Variants in XRRA1 observed in about 807,000 individuals in gnomAD.
XRRA1 encodes the protein X-ray radiation resistance-associated protein 1.
In XRRA1, 69 loss-of-function variants were observed where a neutral mutation model predicts 80.2. That is an observed-to-expected ratio of 0.86 (90% CI 0.71 to 1.05). XRRA1 has a LOEUF of 1.05. Ranked by LOEUF, XRRA1 falls within the 50% of genes least tolerant of loss-of-function variation. XRRA1 has a pLI of 0.00. For missense variants in XRRA1, 967 were observed against 976.4 expected, an observed-to-expected ratio of 0.99 and a Z score of 0.13; for synonymous variants, 348 against 389.9, an observed-to-expected ratio of 0.89 and a Z score of 1.27.
intron 10 of XRRA1, among the ~76,000 whole-genome samples, chr11:74,866,135 C>A (rs186948577): frequency 1.3e-5 from 2 of 152,146 alleles, no homozygotes; most frequent in South Asian, 4.1e-4. Flanking sequence ...GGAAATATGA[C>A]GTCACCAAAC....
chr11:74,927,555 T>C (rs374374846), intron 6 of XRRA1, 67 bp from the exon 7 acceptor site: 3 of 1,075,674 alleles, frequency 2.8e-6, no homozygotes, highest in East Asian at 4.8e-5. Context: ...TATTAATAAT[T>C]ACCATTTACT....
intron 10 of XRRA1, 44 bp from the exon 11 acceptor site, chr11:74,863,065 A>G: frequency 6.4e-7 from 1 of 1,563,206 alleles, no homozygotes; most frequent in Middle Eastern, 1.7e-4. Context: ...GAGACCGCTG[A>G]TTGATGCCTA....
intron 12 of XRRA1, among the ~76,000 whole-genome samples, chr11:74,856,756 G>C (rs982276900): frequency 6.6e-6 from 1 of 152,158 alleles, no homozygotes; most frequent in Non-Finnish European, 1.5e-5. Flanking sequence ...TGGAAGAGGA[G>C]ATAGCTCCCA....
At chr11:74,847,569 A>T (rs2038616976) in intron 15 of XRRA1, among the ~76,000 whole-genome samples, 1 of 152,106 alleles carries the variant, frequency 6.6e-6, no homozygotes, top group African/African-American at 2.4e-5. Context: ...TCAGCCTGTA[A>T]ATCTCAGCTC....
intron 10 of XRRA1, among the ~76,000 whole-genome samples, chr11:74,880,002 C>T (rs1210813035): frequency 1.3e-5 from 2 of 151,970 alleles, no homozygotes; most frequent in South Asian, 2.1e-4. Context: ...GGAGGATTCC[C>T]TCTTTTTCTA....
At chr11:74,934,915 C>T (rs141755873) in intron 4 of XRRA1, among the ~76,000 whole-genome samples, 5 of 152,242 alleles carry the variant, frequency 3.3e-5, no homozygotes, top group Admixed American at 1.3e-4. Context: ...AGGGGAAAGA[C>T]GAATGTACCA....
At chr11:74,860,394 AG>A (rs1170027737) in intron 11 of XRRA1, among the ~76,000 whole-genome samples, 8 of 152,218 alleles carry the variant, frequency 5.3e-5, no homozygotes, top group East Asian at 3.8e-4. Context: ...TGTGAACTGA[AG>A]GGGGTAAGTC....
intron 10 of XRRA1, among the ~76,000 whole-genome samples, chr11:74,884,036 T>A (rs1346810511): frequency 5.9e-5 from 9 of 151,974 alleles, no homozygotes; most frequent in Non-Finnish European, 1.0e-4. Context: ...CCATCTTTAC[T>A]AAAAATACAA....
intron 14 of XRRA1, among the ~76,000 whole-genome samples, chr11:74,849,919 C>G (rs1314550820): frequency 2.0e-5 from 3 of 152,152 alleles, no homozygotes; most frequent in African/African-American, 7.2e-5. Context: ...CCCCAGGGGT[C>G]TAATCTGCAT....
intron 2 of XRRA1, 82 bp from the exon 3 acceptor site, chr11:74,940,964 G>A: frequency 9.4e-7 from 1 of 1,059,410 alleles, no homozygotes; most frequent in Non-Finnish European, 1.4e-6. Flanking sequence ...CAGCTCATGA[G>A]CCCACCAGGA....
intron 8 of XRRA1, 88 bp from the exon 9 acceptor site, chr11:74,907,361 TAGG>T: frequency 1.3e-6 from 2 of 1,539,744 alleles, no homozygotes; most frequent in Non-Finnish European, 1.8e-6. Context: ...GGGAATCAAT[TAGG>T]AGGACTAACC....
chr11:74,843,482 C>G (rs1173489747), intron 18 of XRRA1, 29 bp from the exon 19 acceptor site: 1 of 1,599,798 alleles, frequency 6.3e-7, no homozygotes, highest in South Asian at 1.1e-5. Context: ...GGAGAGGCAC[C>G]AAGCTCATCC....
intron 5 of XRRA1, 82 bp downstream of exon 5, chr11:74,933,719 G>T: frequency 7.7e-7 from 1 of 1,295,690 alleles, no homozygotes; most frequent in Non-Finnish European, 1.1e-6. Context: ...GACTCTGGAG[G>T]TGCAAGAGAC....
Position 74,871,220 on chromosome 11 carries a change from A to T in XRRA1, c.1004-8199T>A, listed in dbSNP as rs112354150. ...TAAATCCATCACTTAGCTTCTCTAG[A>T]TCCATGCCTGAGGGACATGCCTGCA... On this transcript the variant is annotated intron_variant, in intron 10 of 18. Coordinates refer to ENST00000684022, the MANE Select transcript of XRRA1 (RefSeq NM_001378157.1). 5.9e-3 allele frequency among the ~76,000 whole-genome samples: 893 copies of T among 152,278 alleles called. 6 individuals carry two copies. The highest frequency in any genetic ancestry group is 0.02 in the African/African-American group (849 of 41,528).
Position 74,936,911 on chromosome 11 carries a change from A to G in XRRA1, c.252T>C (p.Pro84=). 6.2e-7 allele frequency: 1 copy of G among 1,613,622 alleles called. No homozygotes were observed. The highest frequency in any genetic ancestry group is 1.1e-5 in the South Asian group (1 of 90,984). The change falls in exon 4 of 19, where the codon CCT becomes CCC. Residue 84 remains proline (P), a synonymous_variant. Coordinates refer to ENST00000684022, the MANE Select transcript of XRRA1 (RefSeq NM_001378157.1). ...GAAAAGCCTGGTCCAGGATATGTCC[A>G]GGAAGGTCCACCTGATTTTCCCGCC... ...ESRRENQVDL[P]GHILDQAFLL... is the part of the protein sequence containing the mutation.
intron 10 of XRRA1, among the ~76,000 whole-genome samples, chr11:74,895,046 ACAC>A (rs751459124): frequency 9.2e-5 from 14 of 152,020 alleles, no homozygotes; most frequent in Non-Finnish European, 1.3e-4. Flanking sequence ...CGTCCCCTAA[ACAC>A]CAAATTTTAA....
chr11:74,905,695 T>C (rs1169703536), intron 10 of XRRA1, among the ~76,000 whole-genome samples: 1 of 152,170 alleles, frequency 6.6e-6, no homozygotes, highest in Non-Finnish European at 1.5e-5. Context: ...TTTTATAAAC[T>C]AGCTTCACTG....
intron 10 of XRRA1, among the ~76,000 whole-genome samples, chr11:74,873,702 C>T: frequency 6.6e-6 from 1 of 152,210 alleles, no homozygotes; most frequent in East Asian, 1.9e-4. Context: ...TTCTTAATTT[C>T]TTAGCCAACA....
chr11:74,858,291 G>T (rs1418612771), intron 12 of XRRA1, among the ~76,000 whole-genome samples: 1 of 152,180 alleles, frequency 6.6e-6, no homozygotes, highest in Non-Finnish European at 1.5e-5. Flanking sequence ...TGTAACAGTG[G>T]GGGAAAGAAT....
Sources: gnomAD v4.1 joint callset for allele counts (sites outside exome capture counted in the v4.1 genomes callset) on GRCh38, gnomAD v4.1.1 for gene constraint, MANE v1.5 for transcripts, NCBI Gene and HGNC (gene_info 2026-07-23, HGNC 2026-07-21) for gene names.